The following EHBP1 variants were observed in gnomAD, a reference collection of about 807,000 sequenced individuals.
EHBP1 encodes EH domain-binding protein 1.
A neutral mutation model predicts 144.0 loss-of-function variants in EHBP1; 55 were observed. The observed-to-expected ratio is 0.38, with a 90% CI of 0.31 to 0.48. EHBP1 has a LOEUF of 0.48. Ranked by LOEUF, EHBP1 falls within the 20% of genes least tolerant of loss-of-function variation. The pLI is 0.98. For missense variants in EHBP1, 1,200 were observed against 1,364.2 expected (o/e 0.88, Z 1.90); for synonymous variants, 469 against 472.7 (o/e 0.99, Z 0.10).
chr2:62,767,852 A>T (rs1310231961), intron 4 of EHBP1, among the ~76,000 whole-genome samples: 3 of 151,506 alleles, frequency 2.0e-5, no homozygotes, highest in African/African-American at 7.3e-5. Context: ...AAAAAAAAAA[A>T]AGTCAAGACT....
intron 7 of EHBP1, among the ~76,000 whole-genome samples, chr2:62,852,472 G>A (rs754871802): frequency 4.0e-5 from 6 of 151,398 alleles, no homozygotes; most frequent in Non-Finnish European, 8.8e-5. Flanking sequence ...AGTTATTCCT[G>A]TGGGGCAAAT....
At chr2:62,842,935 G>C (rs529160552) in intron 7 of EHBP1, among the ~76,000 whole-genome samples, 1 of 152,170 alleles carries the variant, frequency 6.6e-6, no homozygotes, top group South Asian at 2.1e-4. Flanking sequence ...AGTTTTTTAA[G>C]GAAAATATAG....
intron 1 of EHBP1, among the ~76,000 whole-genome samples, chr2:62,675,843 C>G (rs1246602674): frequency 6.6e-6 from 1 of 152,070 alleles, no homozygotes; most frequent in African/African-American, 2.4e-5. Flanking sequence ...GCCTCCACCT[C>G]CTGGCCTCAA....
chr2:63,010,657 A>T (rs1323656233), intron 19 of EHBP1, among the ~76,000 whole-genome samples: 1 of 151,752 alleles, frequency 6.6e-6, no homozygotes, highest in Non-Finnish European at 1.5e-5. Context: ...TAGCAATTTG[A>T]CACTGACTTT....
upstream of EHBP1, among the ~76,000 whole-genome samples, chr2:62,701,215 C>T (rs1235026790): frequency 6.6e-6 from 1 of 152,050 alleles, no homozygotes; most frequent in South Asian, 2.1e-4. Flanking sequence ...TACATTTTTC[C>T]AGTAGCTGCA....
chr2:62,929,440 T>TA (rs1430088715), intron 10 of EHBP1, among the ~76,000 whole-genome samples: 7 of 152,114 alleles, frequency 4.6e-5, no homozygotes, highest in Non-Finnish European at 7.4e-5. Flanking sequence ...ATCAGTGTAA[T>TA]ACACTACATT....
chr2:62,792,903 G>GT (rs907146310), intron 5 of EHBP1, among the ~76,000 whole-genome samples: 112 of 147,990 alleles, frequency 7.6e-4, no homozygotes, highest in Admixed American at 1.4e-3. Context: ...AAATTGATAG[G>GT]TTTTTTTTTT....
intron 10 of EHBP1, among the ~76,000 whole-genome samples, chr2:62,892,761 C>T (rs1240319457): frequency 1.3e-5 from 2 of 151,878 alleles, no homozygotes; most frequent in African/African-American, 4.8e-5. Context: ...ATAGTGTTTC[C>T]AATAGAGCTC....
rs1218206101 is a variant in EHBP1 at position 62,729,263 on chromosome 2, T to A, written c.105-18132T>A. On this transcript the variant is annotated intron_variant, in intron 2 of 22. Transcript: ENST00000431489. ...CACTATAGTTTATCCAACTATTCTC[T>A]TATATGTGGTCATTTAGATTTTGCA... Among the ~76,000 whole-genome samples, 3 of 140,200 alleles carry A rather than the reference T, an allele frequency of 2.1e-5. No individual in the cohort carries two copies. The East Asian group carries it at 5.9e-4, about 28-fold the overall frequency. 92.0% of individuals were successfully genotyped at this position (140,200 alleles called of 152,430 possible).
chr2:62,765,059 C>T (rs1298365724), intron 4 of EHBP1, among the ~76,000 whole-genome samples: 1 of 151,836 alleles, frequency 6.6e-6, no homozygotes, highest in Admixed American at 6.6e-5. Flanking sequence ...TAATTTTTCT[C>T]TTTAGTGCAG....
At chr2:62,833,107 G>A (rs1277625900) in intron 7 of EHBP1, among the ~76,000 whole-genome samples, 1 of 152,176 alleles carries the variant, frequency 6.6e-6, no homozygotes, top group East Asian at 1.9e-4. Flanking sequence ...GGTCTGGATA[G>A]AATATCAAAC....
chr2:62,875,248 C>G (rs1293087209), intron 10 of EHBP1, among the ~76,000 whole-genome samples: 1 of 152,230 alleles, frequency 6.6e-6, no homozygotes, highest in Non-Finnish European at 1.5e-5. Context: ...TCAGAGTGAT[C>G]TTGCCAGCAG....
rs201055796 is a variant in EHBP1 at position 62,978,945 on chromosome 2, CCAAA to C, written c.2461-240_2461-237del. Among the ~76,000 whole-genome samples, 60 of 152,158 alleles carry C rather than the reference CCAAA, an allele frequency of 3.9e-4. 1 individual carries two copies. The East Asian group carries it at 9.7e-3, about 24-fold the overall frequency. ...GATATTTTCTCAGTAATATGTATTA[CCAAA>C]CATTCTTTAACTTGTATTTTTAATG... On this transcript the variant is annotated intron_variant, in intron 14 of 22. Coordinates refer to ENST00000431489, the MANE Select transcript of EHBP1 (RefSeq NM_001142616.3).
intron 5 of EHBP1, among the ~76,000 whole-genome samples, chr2:62,820,742 ATATATATATAT>A (rs2045910996): frequency 4.4e-5 from 2 of 45,388 alleles, no homozygotes; most frequent in Non-Finnish European, 4.4e-5. Flanking sequence ...TGTATAATAT[ATATATATATAT>A]ATATATATAT....
intron 21 of EHBP1, chr2:63,043,920 C>CTTGTTTTT (rs2061797041): frequency 1.1e-4 from 1 of 9,384 alleles, no homozygotes; most frequent in Non-Finnish European, 2.0e-4. Context: ...GGCCATGGTT[C>CTTGTTTTT]TTTTTTTTTT....
chr2:62,700,780 T>G (rs1367210875), upstream of EHBP1, among the ~76,000 whole-genome samples: 1 of 152,186 alleles, frequency 6.6e-6, no homozygotes, highest in Non-Finnish European at 1.5e-5. Flanking sequence ...GTCCAGTAGT[T>G]CCAAGTGGCT....
chr2:62,970,091 C>CTT (rs199945341), intron 14 of EHBP1, among the ~76,000 whole-genome samples: 1 of 132,006 alleles, frequency 7.6e-6, no homozygotes, highest in Non-Finnish European at 1.7e-5. Flanking sequence ...ACACAGAATT[C>CTT]TTTTTTTTTT....
At chr2:63,038,662 A>T in intron 20 of EHBP1, 81 bp from the exon 21 acceptor site, 1 of 1,337,766 alleles carries the variant, frequency 7.5e-7, no homozygotes, top group East Asian at 2.3e-5. Context: ...TGAGTCCTAA[A>T]ATCAATGTAA....
chr2:62,942,963 A>G, intron 11 of EHBP1, 67 bp downstream of exon 11: 1 of 1,190,728 alleles, frequency 8.4e-7, no homozygotes, highest in Non-Finnish European at 1.1e-6. Context: ...AGAACATAAA[A>G]TAATTTCTTA....
Sources: allele counts gnomAD v4.1 joint callset (sites outside exome capture counted in the v4.1 genomes callset), GRCh38; gene constraint gnomAD v4.1.1; transcripts MANE v1.5; gene names NCBI Gene and HGNC (gene_info 2026-07-23, HGNC 2026-07-21).